SGCD: variants seen among roughly 807,000 people sequenced by gnomAD.
SGCD encodes sarcoglycan delta, also known as delta-sarcoglycan.
A neutral mutation model predicts 36.6 loss-of-function variants in SGCD; 18 were observed. That is an observed-to-expected ratio of 0.49 (90% CI 0.34 to 0.73). The LOEUF (loss-of-function observed/expected upper bound fraction) is 0.73. SGCD is among the 30% of genes least tolerant of loss of function. SGCD has a pLI of 0.01. For missense variants in SGCD, 387 were observed against 346.7 expected (o/e 1.12, Z -0.92); for synonymous variants, 133 against 130.6 (o/e 1.02, Z -0.12).
chr5:155,937,828 T>C (rs1757240087), intron 1 of SGCD, among the ~76,000 whole-genome samples: 1 of 152,156 alleles, frequency 6.6e-6, no homozygotes, highest in South Asian at 2.1e-4. Context: ...TCCTGCCTCA[T>C]TGGGGTGTTC....
chr5:156,379,836 T>G (rs1443221617), intron 3 of SGCD, among the ~76,000 whole-genome samples: 1 of 152,186 alleles, frequency 6.6e-6, no homozygotes, highest in Non-Finnish European at 1.5e-5. Flanking sequence ...AAATCCAGGA[T>G]AACACCAGTC....
In SGCD at chr5:156,589,207, C is replaced by A. The variant is rs959122866; in HGVS notation, c.295-24C>A. 2.0e-6 allele frequency: 3 copies of A among 1,464,532 alleles called. No homozygotes were observed. In the African/African-American group the frequency reaches 4.2e-5, roughly 20 times the overall value. 90.7% of individuals were successfully genotyped at this position (1,464,532 alleles called of 1,614,324 possible). A position where few individuals can be genotyped will look rare whatever the true frequency, so the allele number is the denominator to read the frequency against. Reference sequence around the variant, plus strand: ...GTTTAGAAATCTATCATTTTCATGTCTTTCTCTTATTTTCTTATTGCAGGG... The same window carrying A: ...GTTTAGAAATCTATCATTTTCATGTATTTCTCTTATTTTCTTATTGCAGGG... On this transcript the variant is annotated intron_variant, in intron 4 of 8. Transcript: ENST00000337851.
intron 6 of SGCD, among the ~76,000 whole-genome samples, chr5:156,641,034 G>A (rs995355996): frequency 3.3e-5 from 5 of 152,120 alleles, no homozygotes; most frequent in East Asian, 3.8e-4. Context: ...CTGCATCCTC[G>A]TTGATCACTC....
chr5:156,098,188 T>G (rs186534790), intron 1 of SGCD, among the ~76,000 whole-genome samples: 45 of 152,320 alleles, frequency 3.0e-4, no homozygotes, highest in Admixed American at 2.6e-3. Flanking sequence ...CCCTTTATTT[T>G]GTTCTGACCA....
intron 7 of SGCD, among the ~76,000 whole-genome samples, chr5:156,729,016 T>G (rs1316554463): frequency 2.0e-5 from 3 of 152,244 alleles, no homozygotes; most frequent in African/African-American, 4.8e-5. Context: ...TGGAATAGAT[T>G]ACAGCCATAT....
At chr5:155,970,856 A>G (rs911609556) in intron 1 of SGCD, among the ~76,000 whole-genome samples, 1 of 152,308 alleles carries the variant, frequency 6.6e-6, no homozygotes, top group Admixed American at 6.5e-5. Flanking sequence ...CAGGACATCT[A>G]TCTAACAGTG....
intron 3 of SGCD, among the ~76,000 whole-genome samples, chr5:156,361,791 A>G (rs1429539541): frequency 1.3e-5 from 2 of 152,222 alleles, no homozygotes; most frequent in Non-Finnish European, 2.9e-5. Flanking sequence ...ACAGTAAACT[A>G]TAGCTATTCT....
chr5:156,277,301 A>G (rs1766342971), intron 3 of SGCD, among the ~76,000 whole-genome samples: 1 of 152,100 alleles, frequency 6.6e-6, no homozygotes, highest in African/African-American at 2.4e-5. Flanking sequence ...CCCTGCTATT[A>G]TTAATGGCAG....
At chr5:156,193,929 G>T (rs982558610) in intron 3 of SGCD, among the ~76,000 whole-genome samples, 2 of 152,188 alleles carry the variant, frequency 1.3e-5, no homozygotes, top group Admixed American at 6.5e-5. Context: ...GCAGCCTCAA[G>T]AAACCACTTC....
intron 3 of SGCD, among the ~76,000 whole-genome samples, chr5:156,279,211 G>A (rs538789211): frequency 2.6e-5 from 4 of 152,188 alleles, no homozygotes; most frequent in African/African-American, 7.2e-5. Flanking sequence ...TGTTATGGGC[G>A]GGGTAGGAAA....
chr5:155,978,674 G>T (rs997556587), intron 1 of SGCD, among the ~76,000 whole-genome samples: 5 of 152,138 alleles, frequency 3.3e-5, no homozygotes, highest in African/African-American at 1.2e-4. Context: ...CTTTCATGCT[G>T]CCACCTTCTT....
chr5:155,940,811 C>G (rs558484472), intron 1 of SGCD, among the ~76,000 whole-genome samples: 1 of 152,162 alleles, frequency 6.6e-6, no homozygotes, highest in East Asian at 1.9e-4. Flanking sequence ...TGCCACTGCA[C>G]TCCAGCCTGG....
At chr5:156,278,928 T>C (rs1412577126) in intron 3 of SGCD, among the ~76,000 whole-genome samples, 1 of 152,148 alleles carries the variant, frequency 6.6e-6, no homozygotes, top group African/African-American at 2.4e-5. Context: ...TCAGTGGTTT[T>C]CAAATGAAAG....
At chr5:155,899,093 A>G (rs965105682) in intron 1 of SGCD, among the ~76,000 whole-genome samples, 3 of 152,210 alleles carry the variant, frequency 2.0e-5, no homozygotes, top group Non-Finnish European at 4.4e-5. Context: ...AAGTTGTTAG[A>G]GAGAATGTGG....
chr5:155,921,063 G>A (rs1449618870), intron 1 of SGCD, among the ~76,000 whole-genome samples: 1 of 152,118 alleles, frequency 6.6e-6, no homozygotes, highest in Non-Finnish European at 1.5e-5. Context: ...TAATGGGTAA[G>A]GTAAGGAAAA....
intron 1 of SGCD, among the ~76,000 whole-genome samples, chr5:155,896,693 A>G (rs1580977816): frequency 6.6e-6 from 1 of 152,128 alleles, no homozygotes; most frequent in African/African-American, 2.4e-5. Context: ...AATAAAATTA[A>G]AAGTAGGAGA....
At chr5:156,285,521 A>G (rs1023382373) in intron 3 of SGCD, among the ~76,000 whole-genome samples, 4 of 152,200 alleles carry the variant, frequency 2.6e-5, no homozygotes, top group African/African-American at 9.7e-5. Context: ...ATAATGCCAC[A>G]TATCTACAAC....
intron 4 of SGCD, among the ~76,000 whole-genome samples, chr5:156,554,144 C>G (rs1758907696): frequency 6.6e-6 from 1 of 151,908 alleles, no homozygotes; most frequent in Non-Finnish European, 1.5e-5. Flanking sequence ...TCACTTGAGG[C>G]CAGGAGTTTG....
At chr5:156,509,470 A>T (rs1290644169) in intron 4 of SGCD, among the ~76,000 whole-genome samples, 1 of 152,202 alleles carries the variant, frequency 6.6e-6, no homozygotes, top group Non-Finnish European at 1.5e-5. Context: ...CTGAAATGGT[A>T]TTTAAATAAT....
Sources: gnomAD v4.1 joint callset for allele counts (sites outside exome capture counted in the v4.1 genomes callset) on GRCh38, gnomAD v4.1.1 for gene constraint, MANE v1.5 for transcripts, NCBI Gene and HGNC (gene_info 2026-07-23, HGNC 2026-07-21) for gene names.